EHMT1: variants seen among roughly 807,000 people sequenced by gnomAD.
The protein encoded by EHMT1 is histone-lysine N-methyltransferase EHMT1.
EHMT1 carries 15 observed loss-of-function variants against 147.2 expected under a neutral mutation model. The observed-to-expected ratio is 0.10, with a 90% confidence interval of 0.07 to 0.16. EHMT1 has a LOEUF of 0.16. Among genes scored for constraint, EHMT1 ranks in the 10% least tolerant of loss-of-function variants. The pLI is 1.00. For missense variants in EHMT1, 1,587 were observed against 1,772.4 expected, an observed-to-expected ratio of 0.90 and a Z score of 1.88; for synonymous variants, 795 against 709.6, an observed-to-expected ratio of 1.12 and a Z score of -1.91.
chr9:137,778,711 C>T (rs567967158), intron 13 of EHMT1, among the ~76,000 whole-genome samples: 2 of 152,346 alleles, frequency 1.3e-5, no homozygotes, highest in South Asian at 4.1e-4. Context: ...CTGTTCCTGA[C>T]CCCACTCTCT....
intron 4 of EHMT1, among the ~76,000 whole-genome samples, chr9:137,739,509 A>G (rs117745891): frequency 3.9e-5 from 6 of 152,250 alleles, no homozygotes; most frequent in African/African-American, 1.2e-4. Flanking sequence ...TAGAAGCTGC[A>G]GGTCCCTGCT....
At chr9:137,650,820 C>T (rs1339976789) in intron 1 of EHMT1, 2 of 151,996 alleles carry the variant, frequency 1.3e-5, no homozygotes, top group Non-Finnish European at 2.9e-5. Context: ...GCACATGTCA[C>T]CACACCTGGC....
In EHMT1 at chr9:137,744,305, C is replaced by CT. The variant is rs11370621; in HGVS notation, c.1170+225dup. On this transcript the variant is annotated intron_variant, in intron 6 of 26. Coordinates refer to ENST00000460843, the MANE Select transcript of EHMT1 (RefSeq NM_024757.5). ...GTACATCATTCATTGAAGTAAACCT[C>CT]TTTTTTTTTTCTGTGTTTTCTTTCT... is the stretch of plus-strand genomic sequence containing the variant. Among the ~76,000 whole-genome samples, 21,692 of 148,998 alleles carry CT rather than the reference C, an allele frequency of 0.15. 3,686 individuals are homozygous for CT. Among genetic ancestry groups the CT allele is most frequent in the African/African-American group, 0.42 (16,946 of 40,512 alleles).
At chr9:137,816,123 G>T in intron 23 of EHMT1, 61 bp downstream of exon 23, 1 of 1,462,176 alleles carries the variant, frequency 6.8e-7, no homozygotes. Context: ...TATTAGCACG[G>T]AGGTCACCCC....
intron 18 of EHMT1, among the ~76,000 whole-genome samples, chr9:137,808,190 G>A (rs184191776): frequency 1.3e-5 from 2 of 152,286 alleles, no homozygotes; most frequent in East Asian, 3.9e-4. Context: ...GGCTTTGAGT[G>A]CACATTCTCA....
chr9:137,821,318 CTTTTTTTTT>C (rs778919891), intron 25 of EHMT1, among the ~76,000 whole-genome samples: 3 of 63,980 alleles, frequency 4.7e-5, no homozygotes, highest in African/African-American at 1.4e-4. Flanking sequence ...TGCGCCCGGC[CTTTTTTTTT>C]TTTTTTTTTT....
intron 18 of EHMT1, among the ~76,000 whole-genome samples, chr9:137,809,860 C>T (rs1433342103): frequency 6.6e-6 from 1 of 151,230 alleles, no homozygotes; most frequent in Non-Finnish European, 1.5e-5. Context: ...TCCGATGCCG[C>T]CCTGTGTGGA....
At position 137,768,510 on chromosome 9, in the gene EHMT1, C is replaced by A. The variant is rs1387592571; in HGVS notation, c.1647+5690C>A. Among the ~76,000 whole-genome samples, 3 of 140,678 alleles carry A rather than the reference C, an allele frequency of 2.1e-5. No individual in the cohort carries two copies. In the South Asian group the frequency reaches 6.8e-4, roughly 32 times the overall value. 92.3% of individuals were successfully genotyped at this position (140,678 alleles called of 152,430 possible). On this transcript the variant is annotated intron_variant, in intron 10 of 26. Coordinates refer to ENST00000460843, the MANE Select transcript of EHMT1 (RefSeq NM_024757.5). The stretch of plus-strand genomic sequence containing the variant: ...TTGGGATTACAGATGTGCGCCACCA[C>A]GCCCGGCTAATTTTTTGTATTTTTT...
intron 2 of EHMT1, among the ~76,000 whole-genome samples, chr9:137,712,251 G>A (rs1012178449): frequency 4.6e-5 from 7 of 152,184 alleles, no homozygotes; most frequent in Non-Finnish European, 1.0e-4. Context: ...AGTGGAACTT[G>A]TTTCCTACGT....
At chr9:137,755,845 T>C (rs1209609120) in intron 8 of EHMT1, among the ~76,000 whole-genome samples, 1 of 152,190 alleles carries the variant, frequency 6.6e-6, no homozygotes, top group East Asian at 1.9e-4. Context: ...CTTCATTTAG[T>C]TTTTTTGAAA....
rs769936031 is a variant in EHMT1, at chr9:137,716,767, G to C, written c.227G>C (p.Ser76Thr). 6.2e-7 allele frequency: 1 copy of C among 1,613,052 alleles called. No individual in the cohort carries two copies. The highest frequency in any genetic ancestry group is 1.1e-5 in the South Asian group (1 of 91,090). ...AATGCTGCAAAGCACACTCAGGACAGCGCAAGGGTCAACCCCCAGGATGGC... is the reference window on the plus strand; with the variant it reads ...AATGCTGCAAAGCACACTCAGGACACCGCAAGGGTCAACCCCCAGGATGGC... Reference protein sequence around the residue: ...HANAAKHTQDSARVNPQDGTN... With the variant: ...HANAAKHTQDTARVNPQDGTN... The change falls in exon 3 of 27, where the codon AGC (serine) becomes ACC (threonine). Residue 76 changes from serine to threonine, a missense_variant. Physicochemically the swap from Ser to Thr is moderately conservative, Grantham distance 58 (BLOSUM62 1). This residue lies in a region of EHMT1 where 810 missense variants were observed against 673.0 expected (regional missense o/e 1.20). Transcript: ENST00000460843.
chr9:137,699,669 T>A (rs1002116770), intron 1 of EHMT1, among the ~76,000 whole-genome samples: 5 of 128,538 alleles, frequency 3.9e-5, no homozygotes, highest in Non-Finnish European at 7.9e-5. Flanking sequence ...AGCAAGACTC[T>A]GTCTCAAAAA....
At chr9:137,627,079 C>A (rs1843308579) in intron 1 of EHMT1, among the ~76,000 whole-genome samples, 1 of 152,052 alleles carries the variant, frequency 6.6e-6, no homozygotes, top group Non-Finnish European at 1.5e-5. Flanking sequence ...TGCCTTCGCA[C>A]CCCCTAGTAG....
chr9:137,769,879 C>T (rs1950483090), intron 10 of EHMT1, among the ~76,000 whole-genome samples: 1 of 152,098 alleles, frequency 6.6e-6, no homozygotes, highest in African/African-American at 2.4e-5. Context: ...CTTTGTCACC[C>T]AGGCTGGAGT....
intron 1 of EHMT1, among the ~76,000 whole-genome samples, chr9:137,670,919 C>T (rs950178559): frequency 6.6e-6 from 1 of 152,148 alleles, no homozygotes; most frequent in African/African-American, 2.4e-5. Context: ...TTCTTGCTGC[C>T]CTACCTCCTG....
At chr9:137,784,133 A>AGG in intron 15 of EHMT1, 1 of 1,534,918 alleles carries the variant, frequency 6.5e-7, no homozygotes, top group Non-Finnish European at 8.8e-7. Flanking sequence ...CCCAAGGTCG[A>AGG]GGGGCTGCCT....
intron 1 of EHMT1, among the ~76,000 whole-genome samples, chr9:137,689,907 G>C (rs543354963): frequency 6.6e-6 from 1 of 152,342 alleles, no homozygotes; most frequent in East Asian, 1.9e-4. Flanking sequence ...TGCTGTGCCT[G>C]GCGTGGAGTA....
chr9:137,784,458 C>T (rs942123973), intron 15 of EHMT1: 21 of 1,117,222 alleles, frequency 1.9e-5, no homozygotes, highest in Middle Eastern at 3.8e-4. Context: ...GGTTTTATTT[C>T]GATTTTGCCG....
At chr9:137,712,472 G>A (rs1588299256) in intron 2 of EHMT1, among the ~76,000 whole-genome samples, 1 of 152,328 alleles carries the variant, frequency 6.6e-6, no homozygotes, top group African/African-American at 2.4e-5. Flanking sequence ...TAGTGTCTGT[G>A]GCTGTCCTGG....
Sources: gnomAD v4.1 joint callset for allele counts (sites outside exome capture counted in the v4.1 genomes callset) on GRCh38, gnomAD v4.1.1 for gene constraint, gnomAD v4.1.1 regional missense constraint, MANE v1.5 for transcripts, NCBI Gene and HGNC (gene_info 2026-07-23, HGNC 2026-07-21) for gene names.